RANGAP1: variants seen among roughly 807,000 people sequenced by gnomAD.
RANGAP1 encodes Ran GTPase activating protein 1.
Under a neutral mutation model 63.5 loss-of-function variants are expected in RANGAP1, and 38 were observed. The observed-to-expected ratio is 0.60, with a 90% CI of 0.46 to 0.78. RANGAP1 has a LOEUF of 0.78. RANGAP1 is among the 30% of genes least tolerant of loss of function. RANGAP1 has a pLI of 0.00. For synonymous variants in RANGAP1, 329 were observed against 310.5 expected (o/e 1.06, Z -0.63); for missense variants, 630 against 740.3 (o/e 0.85, Z 1.73).
At chr22:41,280,840 C>A (rs1435450112) in intron 2 of RANGAP1, 93 bp downstream of exon 2, 8 of 1,574,602 alleles carry the variant, frequency 5.1e-6, no homozygotes, top group African/African-American at 2.7e-5. Flanking sequence ...ATAATGGAGA[C>A]AATGTAGCAG....
At chr22:41,255,893 G>T in intron 10 of RANGAP1, 128 bp downstream of exon 10, 2 of 910,442 alleles carry the variant, frequency 2.2e-6, no homozygotes, top group Non-Finnish European at 3.3e-6. Flanking sequence ...GGTGGAAGCT[G>T]CAGTGAGCCG....
In RANGAP1 at chr22:41,257,672, C is replaced by A. The variant is rs1040284883; in HGVS notation, c.774+276G>T. ...TGGGGAGCAGTCTGCTCCTGTGCAG[C>A]CTGAGAACAAACCAGCGGCAGCCGC... On this transcript the variant is annotated intron_variant, in intron 7 of 15. Transcript: ENST00000356244. The surrounding 1 kb of genome is among the most constrained non-coding windows in gnomAD (Gnocchi z 4.0). 3.9e-5 allele frequency among the ~76,000 whole-genome samples: 6 copies of A among 152,248 alleles called. No individual in the cohort carries two copies. Among genetic ancestry groups the A allele is most frequent in the African/African-American group, 1.4e-4 (6 of 41,472 alleles).
intron 3 of RANGAP1, among the ~76,000 whole-genome samples, chr22:41,272,741 CTT>C (rs1275710399): frequency 2.0e-5 from 3 of 152,112 alleles, no homozygotes; most frequent in Non-Finnish European, 4.4e-5. Context: ...GTCTTGATCT[CTT>C]GACCTTGTGA....
intron 2 of RANGAP1, among the ~76,000 whole-genome samples, chr22:41,279,512 G>T (rs982786270): frequency 6.6e-6 from 1 of 151,684 alleles, no homozygotes; most frequent in African/African-American, 2.4e-5. Context: ...GGGCATGGTT[G>T]TACACACCTG....
At chr22:41,275,511 T>C (rs549271894) in intron 2 of RANGAP1, among the ~76,000 whole-genome samples, 2 of 151,700 alleles carry the variant, frequency 1.3e-5, no homozygotes, top group African/African-American at 4.8e-5. Context: ...TCAGGCATGG[T>C]GGCATACGCC....
chr22:41,248,493 C>T (rs565622539), intron 15 of RANGAP1, among the ~76,000 whole-genome samples: 3 of 152,342 alleles, frequency 2.0e-5, no homozygotes, highest in African/African-American at 7.2e-5. Context: ...AAGTATCCTG[C>T]CTCAGCTGGT....
chr22:41,261,507 A>C lies in RANGAP1; in HGVS notation c.554T>G (p.Phe185Cys), dbSNP rs188664388. ...CTCCAGACGGTTTCTGCCAGCCACA[A>C]AGACCTTCAGGGCCAGAGGCTTGCC... Reference protein sequence around the residue: ...AQGKPLALKVFVAGRNRLEND... With the variant: ...AQGKPLALKVCVAGRNRLEND... Residue 185 changes from phenylalanine to cysteine, a missense_variant, in exon 6 of 16, where the codon TTT (phenylalanine) becomes TGT (cysteine). Transcript: ENST00000356244. The C allele has an allele frequency of 1.2e-6, 2 of 1,614,130 alleles. No individual in the cohort carries two copies. The highest frequency in any genetic ancestry group is 2.2e-5 in the South Asian group (2 of 91,090).
chr22:41,270,971 G>A (rs568255455), intron 3 of RANGAP1, among the ~76,000 whole-genome samples: 39 of 152,172 alleles, frequency 2.6e-4, no homozygotes, highest in African/African-American at 8.7e-4. Flanking sequence ...AGGGCACACC[G>A]CCTGGCTTCC....
chr22:41,250,917 G>T, intron 13 of RANGAP1, 90 bp downstream of exon 13: 2 of 1,075,272 alleles, frequency 1.9e-6, no homozygotes, highest in African/African-American at 1.6e-5. Flanking sequence ...GAGCGCTGGG[G>T]CTGACGAGTT....
At chr22:41,283,428 G>A (rs551738098) in intron 1 of RANGAP1, among the ~76,000 whole-genome samples, 1 of 152,278 alleles carries the variant, frequency 6.6e-6, no homozygotes, top group Admixed American at 6.5e-5. Context: ...AGAATTGCTT[G>A]AACCCGGGAG....
intron 2 of RANGAP1, among the ~76,000 whole-genome samples, chr22:41,280,079 A>G (rs1458181507): frequency 6.6e-6 from 1 of 152,142 alleles, no homozygotes; most frequent in Non-Finnish European, 1.5e-5. Context: ...AGCCTGGGTG[A>G]CAGAGACTCC....
chr22:41,267,334 G>A (rs900844190), intron 4 of RANGAP1, among the ~76,000 whole-genome samples: 3 of 152,014 alleles, frequency 2.0e-5, no homozygotes, highest in African/African-American at 7.2e-5. Flanking sequence ...GCAAGACCCT[G>A]TCTTTAAAAA....
intron 6 of RANGAP1, among the ~76,000 whole-genome samples, chr22:41,258,707 T>C (rs1233091229): frequency 1.3e-5 from 2 of 152,056 alleles, no homozygotes; most frequent in African/African-American, 4.8e-5. Context: ...CAGGCTGGAG[T>C]GTGATGGCAT....
chr22:41,265,486 C>T (rs1316370170), intron 4 of RANGAP1, among the ~76,000 whole-genome samples: 1 of 152,188 alleles, frequency 6.6e-6, no homozygotes, highest in Non-Finnish European at 1.5e-5. Flanking sequence ...GAGGAGCTGC[C>T]TGTTCATGGA....
intron 3 of RANGAP1, among the ~76,000 whole-genome samples, chr22:41,269,680 T>C (rs1272238881): frequency 6.6e-6 from 1 of 150,456 alleles, no homozygotes; most frequent in Non-Finnish European, 1.5e-5. Flanking sequence ...AGGCAGAGGT[T>C]GTGCTGAGCT....
At position 41,246,283 on chromosome 22, in the gene RANGAP1, T is replaced by C; in HGVS notation, c.*320A>G. On this transcript the variant is annotated 3_prime_UTR_variant, in exon 16 of 16. Transcript: ENST00000356244. Reference sequence around the variant, plus strand: ...ACGGCCATCAGGGCCCAGGCGGAGATCAGCAGAGCGCCCTCAGGTGGAGGT... The same window carrying C: ...ACGGCCATCAGGGCCCAGGCGGAGACCAGCAGAGCGCCCTCAGGTGGAGGT... 4.5e-6 allele frequency: 1 copy of C among 223,702 alleles called. No individual in the cohort carries two copies. Among genetic ancestry groups the C allele is most frequent in the Non-Finnish European group, 8.9e-6 (1 of 112,244 alleles). 13.9% of individuals were successfully genotyped at this position (223,702 alleles called of 1,614,324 possible).
At chr22:41,276,593 C>T (rs778356276) in intron 2 of RANGAP1, among the ~76,000 whole-genome samples, 5 of 151,770 alleles carry the variant, frequency 3.3e-5, no homozygotes, top group Admixed American at 6.6e-5. Flanking sequence ...GAGCCGAGAT[C>T]GTGGCATTGC....
At chr22:41,249,210 C>A in intron 15 of RANGAP1, 120 bp downstream of exon 15, 1 of 1,375,558 alleles carries the variant, frequency 7.3e-7, no homozygotes, top group Non-Finnish European at 9.6e-7. Flanking sequence ...TCTCATGCAC[C>A]TGAGTGGGGC....
intron 4 of RANGAP1, among the ~76,000 whole-genome samples, chr22:41,266,903 C>T (rs1278340686): frequency 5.9e-4 from 10 of 17,050 alleles, no homozygotes; most frequent in South Asian, 1.5e-3. Context: ...TTTTTTGAGA[C>T]GGAGTCTTGC....
Sources: allele counts gnomAD v4.1 joint callset (sites outside exome capture counted in the v4.1 genomes callset), GRCh38; gene constraint gnomAD v4.1.1; non-coding constraint Gnocchi (gnomAD v3.1); transcripts MANE v1.5; gene names NCBI Gene and HGNC (gene_info 2026-07-23, HGNC 2026-07-21).